Variants in ANKRD33B observed in about 807,000 individuals in gnomAD.
ANKRD33B encodes ankyrin repeat domain 33B, also known as ankyrin repeat domain-containing protein 33B.
ANKRD33B carries 6 observed loss-of-function variants against 21.5 expected under a neutral mutation model. That is an observed-to-expected ratio of 0.28 (90% CI 0.15 to 0.55). The LOEUF (loss-of-function observed/expected upper bound fraction) is 0.55, where lower values mean the gene tolerates loss of function less well. Ranked by LOEUF, ANKRD33B falls within the 20% of genes least tolerant of loss-of-function variation. The probability of loss-of-function intolerance (pLI) is 0.94; values close to 1 mark genes in which losing one functional copy is unlikely to be tolerated. For missense variants in ANKRD33B, 698 were observed against 747.2 expected, an observed-to-expected ratio of 0.93 and a Z score of 0.77; for synonymous variants, 347 against 342.4, an observed-to-expected ratio of 1.01 and a Z score of -0.15.
chr5:10,650,262 G>T lies in ANKRD33B; in HGVS notation c.*149G>T, dbSNP rs1737315462. ...CGCGCATTTCCAGGCTGTTTGTCCA[G>T]GCTGCTTCCAAGAGAGGGCTGAGGG... On this transcript the variant is annotated 3_prime_UTR_variant, in exon 4 of 4. Coordinates refer to ENST00000296657, the MANE Select transcript of ANKRD33B (RefSeq NM_001164440.2). The T allele has an allele frequency of 1.1e-6, 1 of 917,784 alleles. No homozygotes were observed. Among genetic ancestry groups the T allele is most frequent in the South Asian group, 2.7e-5 (1 of 37,586 alleles). The allele number at this position is 917,784 out of a possible 1,614,324, so 56.9% of individuals were successfully genotyped here.
At chr5:10,577,405 G>A (rs970710081) in intron 1 of ANKRD33B, among the ~76,000 whole-genome samples, 1 of 152,172 alleles carries the variant, frequency 6.6e-6, no homozygotes, top group Admixed American at 6.5e-5. Context: ...TTACAGGCGT[G>A]AGCCACCGCG....
At chr5:10,602,815 A>ATTT (rs5865898) in intron 1 of ANKRD33B, among the ~76,000 whole-genome samples, 1 of 143,800 alleles carries the variant, frequency 7.0e-6, no homozygotes. Context: ...ATTGCTTGTC[A>ATTT]TTTTTTTTTT....
intron 1 of ANKRD33B, among the ~76,000 whole-genome samples, chr5:10,569,609 T>TAAAC (rs1344399335): frequency 2.0e-5 from 3 of 151,148 alleles, no homozygotes; most frequent in Admixed American, 1.3e-4. Flanking sequence ...AATAAATAAA[T>TAAAC]AAATAAATAA....
At chr5:10,585,888 C>G (rs1301162707) in intron 1 of ANKRD33B, among the ~76,000 whole-genome samples, 4 of 152,232 alleles carry the variant, frequency 2.6e-5, no homozygotes, top group African/African-American at 7.2e-5. Context: ...GAAGCAGTTG[C>G]ATCCATCAGT....
chr5:10,623,949 T>A (rs374593682), intron 2 of ANKRD33B, among the ~76,000 whole-genome samples: 1 of 152,150 alleles, frequency 6.6e-6, no homozygotes, highest in African/African-American at 2.4e-5. Context: ...GCAAGGAAAT[T>A]AGAGGTGAAT....
rs1560956686 is a variant in ANKRD33B at position 10,564,426 on chromosome 5, C to T, written c.-42C>T. 7.7e-6 allele frequency: 8 copies of T among 1,039,016 alleles called. No individual in the cohort carries two copies. The highest frequency in any genetic ancestry group is 9.2e-6 in the Non-Finnish European group (8 of 866,328). 64.4% of individuals were successfully genotyped at this position (1,039,016 alleles called of 1,614,324 possible). A position where few individuals can be genotyped will look rare whatever the true frequency, so the allele number is the denominator to read the frequency against. ...GCGCGCGCCCCGCGTCCCGCTCTTC[C>T]TGCCCGCGCCCCGGCCCCCGGCCCG... is the stretch of plus-strand genomic sequence containing the variant. On this transcript the variant is annotated 5_prime_UTR_variant, in exon 1 of 4. Coordinates refer to ENST00000296657, the MANE Select transcript of ANKRD33B (RefSeq NM_001164440.2).
In ANKRD33B at chr5:10,595,319, TTC is replaced by T. The variant is rs1735796742; in HGVS notation, c.367-23009_367-23008del. On this transcript the variant is annotated intron_variant, in intron 1 of 3. Coordinates refer to ENST00000296657, the MANE Select transcript of ANKRD33B (RefSeq NM_001164440.2). ...AGGTGGCTTAAACATCAGAAATTGA[TTC>T]TCTCACAATTCTGGGGGGCAGATGT... Among the ~76,000 whole-genome samples, 3 of 152,198 alleles carry T rather than the reference TTC, an allele frequency of 2.0e-5. No homozygotes were observed. In the South Asian group the frequency reaches 6.2e-4, roughly 32 times the overall value.
At chr5:10,623,004 G>A (rs943171222) in intron 2 of ANKRD33B, among the ~76,000 whole-genome samples, 1 of 151,984 alleles carries the variant, frequency 6.6e-6, no homozygotes, top group African/African-American at 2.4e-5. Context: ...GAAGAACTCG[G>A]GTCCAGGTGC....
intron 3 of ANKRD33B, among the ~76,000 whole-genome samples, chr5:10,639,639 GA>G (rs1736975068): frequency 1.8e-5 from 1 of 56,344 alleles, no homozygotes; most frequent in Non-Finnish European, 3.3e-5. Flanking sequence ...GGGTGACGCG[GA>G]GTTGCGCGGC....
intron 3 of ANKRD33B, among the ~76,000 whole-genome samples, chr5:10,640,677 G>A (rs1260181792): frequency 2.6e-5 from 4 of 152,154 alleles, no homozygotes; most frequent in Non-Finnish European, 5.9e-5. Flanking sequence ...CTTGGCACTG[G>A]GTTCAGCCAG....
intron 3 of ANKRD33B, among the ~76,000 whole-genome samples, chr5:10,645,001 C>T (rs1265661765): frequency 2.0e-5 from 3 of 152,192 alleles, no homozygotes; most frequent in Non-Finnish European, 4.4e-5. Context: ...GAAAAGATAT[C>T]GCAGAGATGC....
intron 1 of ANKRD33B, among the ~76,000 whole-genome samples, chr5:10,583,405 T>C (rs906418121): frequency 6.6e-6 from 1 of 152,234 alleles, no homozygotes; most frequent in Non-Finnish European, 1.5e-5. Flanking sequence ...CTGTGGACAT[T>C]TTGGTTCTAA....
intron 1 of ANKRD33B, among the ~76,000 whole-genome samples, chr5:10,580,234 G>C (rs1262158803): frequency 3.9e-5 from 6 of 152,224 alleles, no homozygotes; most frequent in Non-Finnish European, 7.3e-5. Context: ...AGGATGAGGG[G>C]CTGAGTCTTT....
At chr5:10,595,353 T>G (rs1735797700) in intron 1 of ANKRD33B, among the ~76,000 whole-genome samples, 1 of 152,044 alleles carries the variant, frequency 6.6e-6, no homozygotes, top group Non-Finnish European at 1.5e-5. Context: ...ATGTCTGAAG[T>G]CCAGGTGACA....
rs139271631 is a variant in ANKRD33B, at chr5:10,616,080, A to G, written c.367-2253A>G. ...TAGATTATATTAAAGAGGCTTTACC[A>G]TAGTCAACAGTTATTGAGTTGATTA... On this transcript the variant is annotated intron_variant, in intron 1 of 3. Coordinates refer to ENST00000296657, the MANE Select transcript of ANKRD33B (RefSeq NM_001164440.2). Among the ~76,000 whole-genome samples, 517 of 152,376 alleles carry G rather than the reference A, an allele frequency of 3.4e-3. 3 individuals carry two copies. Among genetic ancestry groups the G allele is most frequent in the African/African-American group, 0.012 (493 of 41,588 alleles).
intron 1 of ANKRD33B, among the ~76,000 whole-genome samples, chr5:10,594,010 C>T (rs1464948841): frequency 1.3e-5 from 2 of 152,110 alleles, no homozygotes; most frequent in Admixed American, 6.5e-5. Context: ...GACTCAACAG[C>T]GAGGAGTAAC....
At chr5:10,631,334 A>G (rs145181843) in intron 2 of ANKRD33B, among the ~76,000 whole-genome samples, 2 of 152,274 alleles carry the variant, frequency 1.3e-5, no homozygotes, top group African/African-American at 4.8e-5. Flanking sequence ...AACAGGAGGG[A>G]TCTGATAAAT....
chr5:10,610,404 C>A (rs373802135), intron 1 of ANKRD33B, among the ~76,000 whole-genome samples: 1 of 151,666 alleles, frequency 6.6e-6, no homozygotes, highest in Non-Finnish European at 1.5e-5. Context: ...GGGGACAGCC[C>A]CCCCCCCGAA....
At chr5:10,642,874 T>C (rs1233478591) in intron 3 of ANKRD33B, among the ~76,000 whole-genome samples, 1 of 152,122 alleles carries the variant, frequency 6.6e-6, no homozygotes, top group Non-Finnish European at 1.5e-5. Flanking sequence ...GTTTTTTGCT[T>C]TTTTGTTCTG....
Sources: gnomAD v4.1 joint callset for allele counts (sites outside exome capture counted in the v4.1 genomes callset) on GRCh38, gnomAD v4.1.1 for gene constraint, MANE v1.5 for transcripts, NCBI Gene and HGNC (gene_info 2026-07-23, HGNC 2026-07-21) for gene names.